Variants in PALB2 observed in about 807,000 individuals in gnomAD.
PALB2 encodes the protein partner and localizer of BRCA2, also known as mutant partner and localizer of BRCA2.
Under a neutral mutation model 107.4 loss-of-function variants are expected in PALB2, and 82 were observed. The observed-to-expected ratio is 0.76, with a 90% CI of 0.64 to 0.92. The LOEUF is 0.92. PALB2 is among the 40% of genes least tolerant of loss of function. The pLI is 0.00. For synonymous variants in PALB2, 489 were observed against 496.8 expected (o/e 0.98, Z 0.21); for missense variants, 1,374 against 1,379.9 (o/e 1.00, Z 0.07).
intron 12 of PALB2, among the ~76,000 whole-genome samples, chr16:23,604,788 T>C (rs1016821826): frequency 3.3e-5 from 5 of 149,382 alleles, no homozygotes; most frequent in South Asian, 2.1e-4. Context: ...TTAGCTGTTA[T>C]TGTGGCCAGG....
intron 11 of PALB2, 130 bp from the exon 12 acceptor site, chr16:23,608,142 A>T (rs972845526): frequency 5.6e-5 from 56 of 1,005,442 alleles, no homozygotes; most frequent in Non-Finnish European, 7.8e-5. Flanking sequence ...TCCAGGATTT[A>T]ACCACTGGCT....
intron 3 of PALB2, 147 bp downstream of exon 3, chr16:23,637,703 T>C (rs1034239535): frequency 2.9e-6 from 2 of 685,602 alleles, no homozygotes; most frequent in Non-Finnish European, 4.9e-6. Context: ...TGAGACTCTG[T>C]CTCAAAAAAA....
rs515726090 is a variant in PALB2 at position 23,626,372 on chromosome 16, T to C, written c.2612A>G (p.Asp871Gly). The C allele has an allele frequency of 1.1e-5, 17 of 1,614,074 alleles. No individual in the cohort carries two copies. The highest frequency in any genetic ancestry group is 2.2e-5 in the South Asian group (2 of 91,090). Residue 871 changes from aspartate (D) to glycine (G), a missense_variant, in exon 7 of 13, where the codon GAT (aspartate) becomes GGT (glycine). Asp to Gly is a moderately conservative substitution (Grantham distance 94). Coordinates refer to ENST00000261584, the MANE Select transcript of PALB2 (RefSeq NM_024675.4). ...LKNPSGSCSVDVSAMFWERAG... is the reference protein window; with the variant it reads ...LKNPSGSCSVGVSAMFWERAG... Reference sequence around the variant, plus strand: ...TCTTTCCCAAAACATGGCACTCACATCTACGGAACAGGAACCTGAAGGATT... The same window carrying C: ...TCTTTCCCAAAACATGGCACTCACACCTACGGAACAGGAACCTGAAGGATT...
At chr16:23,627,907 A>C (rs1467329800) in intron 6 of PALB2, among the ~76,000 whole-genome samples, 2 of 152,214 alleles carry the variant, frequency 1.3e-5, no homozygotes, top group Non-Finnish European at 2.9e-5. Flanking sequence ...ATATGAATGA[A>C]ATAGTTGATT....
At position 23,636,118 on chromosome 16, in the gene PALB2, A is replaced by G. The variant is rs2142443635; in HGVS notation, c.428T>C (p.Leu143Pro). ...SDPSGEQKQK[L>P]PSRRKKQQKR... is the part of the protein sequence containing the mutation. The stretch of plus-strand genomic sequence containing the variant: ...CTGCTGCTTCTTTCTTCTGCTTGGC[A>G]GCTTCTGCTTTTGCTCACCACTAGG... The change falls in exon 4 of 13, where the codon CTG becomes CCG. Residue 143 changes from leucine (L) to proline (P), a missense_variant. Physicochemically the swap from Leu to Pro is moderately conservative, Grantham distance 98 (BLOSUM62 -3). Coordinates refer to ENST00000261584, the MANE Select transcript of PALB2 (RefSeq NM_024675.4). 1.9e-6 allele frequency: 3 copies of G among 1,613,502 alleles called. No homozygotes were observed. Among genetic ancestry groups the G allele is most frequent in the Non-Finnish European group, 2.5e-6 (3 of 1,179,874 alleles).
chr16:23,609,975 G>A (rs1966555630), intron 11 of PALB2, among the ~76,000 whole-genome samples: 1 of 152,086 alleles, frequency 6.6e-6, no homozygotes, highest in Non-Finnish European at 1.5e-5. Flanking sequence ...ACCATGCCTG[G>A]CCCCAGTGCT....
chr16:23,605,374 C>T (rs967379015), intron 12 of PALB2, among the ~76,000 whole-genome samples: 5 of 152,046 alleles, frequency 3.3e-5, no homozygotes, highest in Admixed American at 1.3e-4. Flanking sequence ...CTAGTTTTCC[C>T]TTCTAATTTC....
chr16:23,629,087 T>C (rs2142366888), intron 6 of PALB2, 117 bp downstream of exon 6: 1 of 810,666 alleles, frequency 1.2e-6, no homozygotes, highest in Admixed American at 2.0e-5. Context: ...TCTGAATCTG[T>C]TTACCAATAT....
At chr16:23,620,637 T>C (rs1966755988) in intron 10 of PALB2, among the ~76,000 whole-genome samples, 1 of 152,202 alleles carries the variant, frequency 6.6e-6, no homozygotes, top group African/African-American at 2.4e-5. Flanking sequence ...ACTCAACCAC[T>C]AACCAAAAGC....
chr16:23,631,353 C>A (rs1183417198), intron 4 of PALB2, among the ~76,000 whole-genome samples: 1 of 148,258 alleles, frequency 6.7e-6, no homozygotes, highest in Non-Finnish European at 1.5e-5. Flanking sequence ...CCTGTGATCT[C>A]AGCTACTCAG....
chr16:23,635,436 C>T lies in PALB2; in HGVS notation c.1110G>A (p.Gln370=), dbSNP rs756002989. The T allele has an allele frequency of 1.2e-6, 2 of 1,613,898 alleles. No individual in the cohort carries two copies. The highest frequency in any genetic ancestry group is 1.7e-6 in the Non-Finnish European group (2 of 1,179,944). ...TAGGTTGACTTAGAATCTCACTTTCCTGAAGATTTTCATTCCTGCCATCAA... is the reference window on the plus strand; with the variant it reads ...TAGGTTGACTTAGAATCTCACTTTCTTGAAGATTTTCATTCCTGCCATCAA... ...DTLDGRNENL[Q]ESEILSQPKS... Residue 370 remains glutamine, a synonymous_variant, in exon 4 of 13, where the codon CAG becomes CAA. Coordinates refer to ENST00000261584, the MANE Select transcript of PALB2 (RefSeq NM_024675.4).
Position 23,641,304 on chromosome 16 carries a change from C to A in PALB2, c.-147G>T. ...CCTCAGTGCGCGATCAGCTGACCCA[C>A]GCGGGCCAAGCGCGCCCTAAACTCC... On this transcript the variant is annotated 5_prime_UTR_variant, in exon 1 of 13. Coordinates refer to ENST00000261584, the MANE Select transcript of PALB2 (RefSeq NM_024675.4). 8.6e-7 allele frequency: 1 copy of A among 1,159,140 alleles called. No homozygotes were observed. The highest frequency in any genetic ancestry group is 1.2e-6 in the Non-Finnish European group (1 of 809,160). 71.8% of individuals were successfully genotyped at this position (1,159,140 alleles called of 1,614,324 possible).
chr16:23,627,546 A>ATCTT (rs1484046935), intron 6 of PALB2, among the ~76,000 whole-genome samples: 86 of 152,026 alleles, frequency 5.7e-4, no homozygotes, highest in African/African-American at 2.0e-3. Flanking sequence ...TTTTAAGAAA[A>ATCTT]CAAGAAAGAT....
At chr16:23,623,908 G>T in intron 8 of PALB2, 101 bp downstream of exon 8, 1 of 782,654 alleles carries the variant, frequency 1.3e-6, no homozygotes, top group Non-Finnish European at 2.2e-6. Context: ...AGATCTTTCA[G>T]ATTCTTTCAA....
chr16:23,623,577 G>A (rs1332755833), intron 8 of PALB2, among the ~76,000 whole-genome samples: 1 of 126,990 alleles, frequency 7.9e-6, no homozygotes, highest in Admixed American at 9.4e-5. Flanking sequence ...GTGGTGGCAC[G>A]ATCTTAGCTC....
At chr16:23,612,734 C>G (rs1966609717) in intron 11 of PALB2, among the ~76,000 whole-genome samples, 1 of 151,614 alleles carries the variant, frequency 6.6e-6, no homozygotes, top group African/African-American at 2.4e-5. Context: ...TGCCACATTG[C>G]CCAAGGTAAA....
intron 10 of PALB2, among the ~76,000 whole-genome samples, chr16:23,618,486 C>T (rs1966720938): frequency 6.6e-6 from 1 of 151,978 alleles, no homozygotes; most frequent in Non-Finnish European, 1.5e-5. Flanking sequence ...GAAATAAAAG[C>T]TGAAGGAAAG....
intron 11 of PALB2, among the ~76,000 whole-genome samples, chr16:23,611,790 A>G (rs1166973197): frequency 1.3e-5 from 2 of 151,852 alleles, no homozygotes; most frequent in African/African-American, 4.8e-5. Flanking sequence ...GTCTCACTCT[A>G]TCGCCCAGGC....
intron 6 of PALB2, among the ~76,000 whole-genome samples, chr16:23,628,206 C>T (rs1966850709): frequency 6.6e-6 from 1 of 152,142 alleles, no homozygotes; most frequent in African/African-American, 2.4e-5. Context: ...CACTGCACTC[C>T]AGCCTAGGCA....
Sources: gnomAD v4.1 joint callset for allele counts (sites outside exome capture counted in the v4.1 genomes callset) on GRCh38, gnomAD v4.1.1 for gene constraint, MANE v1.5 for transcripts, NCBI Gene and HGNC (gene_info 2026-07-23, HGNC 2026-07-21) for gene names.